The following RALYL variants were observed in gnomAD, a reference collection of about 807,000 sequenced individuals.
RALYL encodes RALY RNA binding protein like.
In RALYL, 29 loss-of-function variants were observed where a neutral mutation model predicts 35.1. That is an observed-to-expected ratio of 0.83 (90% CI 0.61 to 1.13). The LOEUF (loss-of-function observed/expected upper bound fraction) is 1.13. Among genes scored for constraint, RALYL ranks in the 50% most tolerant of loss-of-function variants. RALYL has a pLI of 0.00. For missense variants in RALYL, 359 were observed against 360.4 expected, an observed-to-expected ratio of 1.00 and a Z score of 0.03; for synonymous variants, 120 against 127.6, an observed-to-expected ratio of 0.94 and a Z score of 0.40.
At chr8:84,732,712 T>C (rs1459731899) in intron 2 of RALYL, among the ~76,000 whole-genome samples, 1 of 109,668 alleles carries the variant, frequency 9.1e-6, no homozygotes, top group Non-Finnish European at 1.9e-5. Context: ...ATATAATTTT[T>C]TTTAGATGGA....
intron 1 of RALYL, among the ~76,000 whole-genome samples, chr8:84,320,578 T>C (rs1039521480): frequency 3.3e-5 from 5 of 152,066 alleles, no homozygotes; most frequent in Admixed American, 3.3e-4. Context: ...ATACCAAAGA[T>C]ACAGAATTTA....
rs113026083 is a variant in RALYL, at chr8:84,284,970, G to GA, written c.-24+100548dup. Among the ~76,000 whole-genome samples the GA allele has an allele frequency of 4.0e-4, 61 of 152,280 alleles. 1 individual carries two copies. The highest frequency in any genetic ancestry group is 1.4e-3 in the African/African-American group (60 of 41,574). The stretch of plus-strand genomic sequence containing the variant: ...TCTATTTAAACTACAATATTCAAGT[G>GA]AATTTCTTTCTGTGGAAAAAATGTG... On this transcript the variant is annotated intron_variant, in intron 1 of 8. Coordinates refer to ENST00000521268, the MANE Select transcript of RALYL (RefSeq NM_173848.7).
At chr8:84,584,172 G>A (rs1811461043) in intron 2 of RALYL, among the ~76,000 whole-genome samples, 1 of 152,050 alleles carries the variant, frequency 6.6e-6, no homozygotes, top group Non-Finnish European at 1.5e-5. Context: ...TCACCCTGTT[G>A]TGCTATCAAA....
At chr8:84,538,767 A>G (rs561242196) in intron 2 of RALYL, among the ~76,000 whole-genome samples, 6 of 152,316 alleles carry the variant, frequency 3.9e-5, no homozygotes, top group African/African-American at 9.6e-5. Context: ...TTTATTTAAG[A>G]AAGGCTTATG....
At chr8:84,276,999 G>A (rs891542524) in intron 1 of RALYL, among the ~76,000 whole-genome samples, 2 of 152,160 alleles carry the variant, frequency 1.3e-5, no homozygotes, top group Non-Finnish European at 2.9e-5. Context: ...GGTGAAGAAA[G>A]CACGCAGCTG....
intron 8 of RALYL, among the ~76,000 whole-genome samples, chr8:84,909,008 T>C (rs1847047814): frequency 6.6e-6 from 1 of 152,116 alleles, no homozygotes; most frequent in African/African-American, 2.4e-5. Context: ...AGCATTTCCA[T>C]GCCATGTATT....
chr8:84,329,382 A>G (rs1258068936), intron 1 of RALYL, among the ~76,000 whole-genome samples: 2 of 151,908 alleles, frequency 1.3e-5, no homozygotes, highest in Admixed American at 1.3e-4. Flanking sequence ...TGTCATGTTT[A>G]TTGGCCACTT....
In RALYL at chr8:84,921,056, C is replaced by G. The variant is rs1325720356; in HGVS notation, c.*145C>G. 1.3e-5 allele frequency: 6 copies of G among 445,904 alleles called. No individual in the cohort carries two copies. The highest frequency in any genetic ancestry group is 2.0e-5 in the Non-Finnish European group (5 of 247,824). 27.6% of individuals were successfully genotyped at this position (445,904 alleles called of 1,614,324 possible). A position where few individuals can be genotyped will look rare whatever the true frequency, so the allele number is the denominator to read the frequency against. Reference sequence around the variant, plus strand: ...AATAAATAAAATGGACAGTATTGCTCAGTTTTAGAAATTCCATTTCTTCTA... The same window carrying G: ...AATAAATAAAATGGACAGTATTGCTGAGTTTTAGAAATTCCATTTCTTCTA... On this transcript the variant is annotated 3_prime_UTR_variant, in exon 9 of 9. Transcript: ENST00000521268.
chr8:84,408,442 T>C (rs951610918), intron 1 of RALYL, among the ~76,000 whole-genome samples: 2 of 152,194 alleles, frequency 1.3e-5, no homozygotes, highest in Non-Finnish European at 2.9e-5. Flanking sequence ...GCAAAATCTA[T>C]GCTACAGATT....
At chr8:84,504,803 A>C (rs1019361024) in intron 1 of RALYL, among the ~76,000 whole-genome samples, 6 of 152,138 alleles carry the variant, frequency 3.9e-5, no homozygotes, top group African/African-American at 1.4e-4. Context: ...AGCTATATTA[A>C]ATTTCAAATT....
chr8:84,556,533 T>G (rs1195343699), intron 2 of RALYL, among the ~76,000 whole-genome samples: 1 of 152,168 alleles, frequency 6.6e-6, no homozygotes, highest in Non-Finnish European at 1.5e-5. Flanking sequence ...AAACACATCT[T>G]TATTATTTAT....
At chr8:84,441,648 AC>A (rs1421421555) in intron 1 of RALYL, among the ~76,000 whole-genome samples, 4 of 152,142 alleles carry the variant, frequency 2.6e-5, no homozygotes. Flanking sequence ...AGCTAGAAGA[AC>A]CAAAAAGAGG....
chr8:84,247,392 T>A lies in RALYL; in HGVS notation c.-24+62968T>A, dbSNP rs576598278. The stretch of plus-strand genomic sequence containing the variant: ...TTTCTTAAGAGGTACATGTAACTGG[T>A]AGGCACACTGCCAACACATTACTGA... On this transcript the variant is annotated intron_variant, in intron 1 of 8. Coordinates refer to ENST00000521268, the MANE Select transcript of RALYL (RefSeq NM_173848.7). Among the ~76,000 whole-genome samples, 3 of 152,248 alleles carry A rather than the reference T, an allele frequency of 2.0e-5. No individual in the cohort carries two copies. The East Asian group carries it at 5.8e-4, about 29-fold the overall frequency.
intron 2 of RALYL, among the ~76,000 whole-genome samples, chr8:84,649,291 C>T (rs959874632): frequency 6.6e-6 from 1 of 152,008 alleles, no homozygotes; most frequent in African/African-American, 2.4e-5. Flanking sequence ...TTAATTAGAT[C>T]CCATTTGTCA....
intron 1 of RALYL, among the ~76,000 whole-genome samples, chr8:84,484,476 C>A (rs891005484): frequency 6.6e-6 from 1 of 151,846 alleles, no homozygotes; most frequent in Non-Finnish European, 1.5e-5. Flanking sequence ...GGATAACAAG[C>A]GGAAGAAAGA....
intron 1 of RALYL, among the ~76,000 whole-genome samples, chr8:84,503,822 G>T (rs938752580): frequency 2.2e-4 from 33 of 149,268 alleles, no homozygotes; most frequent in African/African-American, 7.1e-4. Context: ...AGCCAAGATT[G>T]CACTGCACTC....
chr8:84,823,129 A>G (rs1285356226), intron 4 of RALYL, among the ~76,000 whole-genome samples: 1 of 152,152 alleles, frequency 6.6e-6, no homozygotes, highest in Non-Finnish European at 1.5e-5. Context: ...ATGTTATATG[A>G]TATCAAAATG....
At chr8:84,747,942 TC>T (rs1809039043) in intron 2 of RALYL, among the ~76,000 whole-genome samples, 1 of 151,950 alleles carries the variant, frequency 6.6e-6, no homozygotes, top group African/African-American at 2.4e-5. Context: ...GTAGTTGGTT[TC>T]TATCTGCTTG....
At chr8:84,833,785 A>G (rs1440165571) in intron 4 of RALYL, among the ~76,000 whole-genome samples, 1 of 152,002 alleles carries the variant, frequency 6.6e-6, no homozygotes, top group African/African-American at 2.4e-5. Flanking sequence ...AACTTTGATT[A>G]TATTGATGCC....
Sources: allele counts gnomAD v4.1 joint callset (sites outside exome capture counted in the v4.1 genomes callset), GRCh38; gene constraint gnomAD v4.1.1; transcripts MANE v1.5; gene names NCBI Gene and HGNC (gene_info 2026-07-23, HGNC 2026-07-21).